The following CADM1 variants were observed in gnomAD, a reference collection of about 807,000 sequenced individuals.
CADM1 encodes the protein TSLC-1.
CADM1 carries 15 observed loss-of-function variants against 53.1 expected under a neutral mutation model. The ratio of observed to expected loss-of-function variants is 0.28; its 90% CI spans 0.19 to 0.44. The LOEUF is 0.44. CADM1 is among the 20% of genes least tolerant of loss of function. The probability of loss-of-function intolerance (pLI) is 1.00; values close to 1 mark genes in which losing one functional copy is unlikely to be tolerated. For missense variants in CADM1, 434 were observed against 611.3 expected (o/e 0.71, Z 3.06); for synonymous variants, 281 against 243.0 (o/e 1.16, Z -1.45).
chr11:115,255,149 C>T (rs1412636740), intron 1 of CADM1, among the ~76,000 whole-genome samples: 1 of 152,066 alleles, frequency 6.6e-6, no homozygotes, highest in African/African-American at 2.4e-5. Flanking sequence ...ATCAGTGTTC[C>T]CCTTTTAAAG....
At chr11:115,277,629 T>C (rs1052022658) in intron 1 of CADM1, among the ~76,000 whole-genome samples, 1 of 152,204 alleles carries the variant, frequency 6.6e-6, no homozygotes, top group Admixed American at 6.5e-5. Context: ...ATCCTCATGC[T>C]TGGTTCACAT....
chr11:115,184,127 T>C (rs911192549), intron 10 of CADM1, among the ~76,000 whole-genome samples: 2 of 152,072 alleles, frequency 1.3e-5, no homozygotes, highest in Non-Finnish European at 2.9e-5. Flanking sequence ...TGTCATTTGT[T>C]ACTTCTTGCT....
chr11:115,491,042 A>G (rs1400516040), intron 1 of CADM1, among the ~76,000 whole-genome samples: 2 of 152,216 alleles, frequency 1.3e-5, no homozygotes, highest in Non-Finnish European at 2.9e-5. Context: ...GTTTAAATGC[A>G]AAAGACATCT....
At chr11:115,285,634 T>C (rs1451999552) in intron 1 of CADM1, among the ~76,000 whole-genome samples, 1 of 152,258 alleles carries the variant, frequency 6.6e-6, no homozygotes, top group African/African-American at 2.4e-5. Context: ...TGTGTTTTCA[T>C]ATATTTCATT....
chr11:115,317,372 A>G (rs1198327878), intron 1 of CADM1, among the ~76,000 whole-genome samples: 1 of 152,008 alleles, frequency 6.6e-6, no homozygotes, highest in Non-Finnish European at 1.5e-5. Flanking sequence ...CTATAAGCTA[A>G]TAAGAGTGGT....
chr11:115,181,153 C>G (rs1939291656), intron 10 of CADM1, among the ~76,000 whole-genome samples: 1 of 109,528 alleles, frequency 9.1e-6, no homozygotes, highest in South Asian at 3.2e-4. Context: ...CAGGAATATT[C>G]TGGAAGCCTG....
At chr11:115,321,006 CT>C (rs1944810943) in intron 1 of CADM1, among the ~76,000 whole-genome samples, 1 of 152,176 alleles carries the variant, frequency 6.6e-6, no homozygotes, top group Non-Finnish European at 1.5e-5. Flanking sequence ...ATAGTTCATA[CT>C]TTTAACAACA....
In CADM1 at chr11:115,308,175, G is replaced by GTATA. The variant is rs1555061126; in HGVS notation, c.125-67759_125-67756dup. 5.5e-3 allele frequency among the ~76,000 whole-genome samples: 643 copies of GTATA among 117,432 alleles called. 9 individuals carry two copies. The highest frequency in any genetic ancestry group is 0.023 in the African/African-American group (599 of 26,560). 77.0% of individuals were successfully genotyped at this position (117,432 alleles called of 152,430 possible). ...TGTGTGTGTGTGTGTGTGTGTGTGT[G>GTATA]TATATCACTCATAGGTGTGTATATA... On this transcript the variant is annotated intron_variant, in intron 1 of 11. Transcript: ENST00000331581.
intron 1 of CADM1, among the ~76,000 whole-genome samples, chr11:115,463,773 C>T (rs999195332): frequency 1.0e-4 from 15 of 149,766 alleles, no homozygotes; most frequent in African/African-American, 3.7e-4. Flanking sequence ...TCCCAACCTG[C>T]AAAGGAGATA....
At chr11:115,405,388 A>G (rs1014887534) in intron 1 of CADM1, among the ~76,000 whole-genome samples, 8 of 152,378 alleles carry the variant, frequency 5.3e-5, no homozygotes, top group Non-Finnish European at 8.8e-5. Context: ...CTATGCTACC[A>G]GCCATGAGCA....
At chr11:115,452,175 G>C (rs975346923) in intron 1 of CADM1, among the ~76,000 whole-genome samples, 2 of 147,286 alleles carry the variant, frequency 1.4e-5, no homozygotes, top group Admixed American at 6.8e-5. Flanking sequence ...GGGGTGGGGG[G>C]GCTGGGAATC....
intron 1 of CADM1, among the ~76,000 whole-genome samples, chr11:115,353,152 A>G (rs936066320): frequency 6.6e-6 from 1 of 152,226 alleles, no homozygotes. Flanking sequence ...TTTTTGTTCA[A>G]GAAAAACGGA....
At chr11:115,239,950 C>G (rs904394125) in intron 2 of CADM1, among the ~76,000 whole-genome samples, 5 of 152,094 alleles carry the variant, frequency 3.3e-5, no homozygotes, top group Admixed American at 6.6e-5. Context: ...AAGGGATTAC[C>G]TTTCAGAATG....
At chr11:115,467,809 C>T (rs1044038930) in intron 1 of CADM1, among the ~76,000 whole-genome samples, 1 of 152,092 alleles carries the variant, frequency 6.6e-6, no homozygotes, top group Non-Finnish European at 1.5e-5. Flanking sequence ...CGCCTAAGGA[C>T]CTTTAAACAA....
chr11:115,503,252 A>T (rs967720918), intron 1 of CADM1, among the ~76,000 whole-genome samples: 1 of 152,198 alleles, frequency 6.6e-6, no homozygotes, highest in Non-Finnish European at 1.5e-5. Context: ...CGACCGCGCC[A>T]ACGCGCCCGG....
At position 115,256,722 on chromosome 11, in the gene CADM1, T is replaced by C. The variant is rs921343350; in HGVS notation, c.125-16302A>G. On this transcript the variant is annotated intron_variant, in intron 1 of 11. Transcript: ENST00000331581. ...AGCAACAAAATGGCCATTGCCATGT[T>C]CTAGTTCCTATTGTTTGTGTTCCTT... 4 of 444,892 alleles carry C rather than the reference T, an allele frequency of 9.0e-6. 1 individual carries two copies. The highest frequency in any genetic ancestry group is 8.0e-5 in the African/African-American group (4 of 50,028). The allele number at this position is 444,892 out of a possible 1,614,324, so 27.6% of individuals were successfully genotyped here.
chr11:115,319,363 T>C (rs1349167722), intron 1 of CADM1, among the ~76,000 whole-genome samples: 1 of 152,078 alleles, frequency 6.6e-6, no homozygotes, highest in South Asian at 2.1e-4. Context: ...AGTAAAAAAG[T>C]CACCAACTGA....
rs968334160 is a variant in CADM1, at chr11:115,169,544, G to A, written c.*6930C>T. On this transcript the variant is annotated 3_prime_UTR_variant, in exon 12 of 12. Coordinates refer to ENST00000331581, the MANE Select transcript of CADM1 (RefSeq NM_001301043.2). ...GGCATTTTCCCTTCCTTGTCCAAACGATAAAAGATTCATGTTCCTAATTGC... is the reference window on the plus strand; with the variant it reads ...GGCATTTTCCCTTCCTTGTCCAAACAATAAAAGATTCATGTTCCTAATTGC... 1.5e-5 allele frequency: 7 copies of A among 453,998 alleles called. No homozygotes were observed. Among genetic ancestry groups the A allele is most frequent in the Admixed American group, 2.4e-5 (1 of 41,980 alleles). The allele number at this position is 453,998 out of a possible 1,614,324, so 28.1% of individuals were successfully genotyped here.
chr11:115,231,555 G>C, intron 3 of CADM1, 65 bp from the exon 4 acceptor site: 1 of 1,482,586 alleles, frequency 6.7e-7, no homozygotes, highest in Non-Finnish European at 9.4e-7. Context: ...CTATCAAAAA[G>C]GAGAAAAACA....
Sources: allele counts gnomAD v4.1 joint callset (sites outside exome capture counted in the v4.1 genomes callset), GRCh38; gene constraint gnomAD v4.1.1; transcripts MANE v1.5; gene names NCBI Gene and HGNC (gene_info 2026-07-23, HGNC 2026-07-21).